RAD51B: variants seen among roughly 807,000 people sequenced by gnomAD.
RAD51B encodes RAD51 paralog B.
Under a neutral mutation model 42.2 loss-of-function variants are expected in RAD51B, and 38 were observed. The observed-to-expected ratio is 0.90, with a 90% confidence interval of 0.70 to 1.18. RAD51B has a LOEUF of 1.18. RAD51B is among the 50% of genes most tolerant of loss of function. The pLI, the probability that RAD51B is intolerant of heterozygous loss-of-function variation, is 0.00. For synonymous variants in RAD51B, 154 were observed against 145.2 expected (o/e 1.06, Z -0.43); for missense variants, 373 against 400.7 (o/e 0.93, Z 0.59).
intron 8 of RAD51B, among the ~76,000 whole-genome samples, chr14:68,377,114 G>A (rs1421921904): frequency 1.3e-5 from 2 of 152,170 alleles, no homozygotes; most frequent in Admixed American, 1.3e-4. Context: ...GCTTTCAGAT[G>A]GGATATGAAA....
At chr14:68,103,975 C>T (rs891661500) in intron 7 of RAD51B, among the ~76,000 whole-genome samples, 1 of 152,152 alleles carries the variant, frequency 6.6e-6, no homozygotes, top group African/African-American at 2.4e-5. Flanking sequence ...CACCCTCCTG[C>T]TGTGTTTGTT....
At chr14:68,607,254 G>A (rs1160521011) in intron 10 of RAD51B, among the ~76,000 whole-genome samples, 1 of 152,202 alleles carries the variant, frequency 6.6e-6, no homozygotes, top group African/African-American at 2.4e-5. Context: ...GCTCATGCCA[G>A]CACTTCTGTT....
chr14:68,052,334 G>T (rs1244180102), intron 7 of RAD51B, among the ~76,000 whole-genome samples: 1 of 150,906 alleles, frequency 6.6e-6, no homozygotes, highest in Non-Finnish European at 1.5e-5. Context: ...CAAATGCTGT[G>T]TCAGGCACTG....
intron 8 of RAD51B, among the ~76,000 whole-genome samples, chr14:68,407,347 T>A (rs1162104359): frequency 6.6e-6 from 1 of 152,194 alleles, no homozygotes; most frequent in Non-Finnish European, 1.5e-5. Flanking sequence ...TAAATACATA[T>A]AATAAGATCA....
intron 8 of RAD51B, among the ~76,000 whole-genome samples, chr14:68,363,951 G>C (rs2083085843): frequency 6.6e-6 from 1 of 152,192 alleles, no homozygotes; most frequent in South Asian, 2.1e-4. Context: ...TGGGAAGGCC[G>C]CTTCTGGCTG....
At chr14:68,482,203 G>A (rs565970403), downstream of RAD51B, among the ~76,000 whole-genome samples, 35 of 152,050 alleles carry the variant, frequency 2.3e-4, no homozygotes, top group Non-Finnish European at 4.1e-4. Context: ...GTGTGTATGT[G>A]TGTGTGTATC....
At chr14:68,592,275 GTGTGTGTGTGTA>G (rs1404558718) in intron 10 of RAD51B, among the ~76,000 whole-genome samples, 6 of 151,710 alleles carry the variant, frequency 4.0e-5, no homozygotes, top group African/African-American at 1.2e-4. Flanking sequence ...GTGTGTGTGT[GTGTGTGTGTGTA>G]TGTGTGTGTA....
intron 7 of RAD51B, among the ~76,000 whole-genome samples, chr14:68,167,282 A>G (rs192267186): frequency 1.8e-4 from 28 of 152,262 alleles, no homozygotes; most frequent in African/African-American, 6.0e-4. Context: ...TGGACATTCT[A>G]CATTCTCTCC....
intron 7 of RAD51B, among the ~76,000 whole-genome samples, chr14:68,091,822 A>G (rs1367242622): frequency 2.0e-5 from 3 of 152,106 alleles, no homozygotes. Flanking sequence ...TAGGGTTTTT[A>G]TGGTTTTAGG....
chr14:68,466,919 C>A (rs150334605), intron 9 of RAD51B, among the ~76,000 whole-genome samples: 74 of 152,330 alleles, frequency 4.9e-4, no homozygotes, highest in Non-Finnish European at 8.4e-4. Flanking sequence ...GTGATCTTTT[C>A]ATCACATTTT....
chr14:68,042,566 G>T (rs1048337586), intron 7 of RAD51B, among the ~76,000 whole-genome samples: 5 of 151,884 alleles, frequency 3.3e-5, no homozygotes, highest in African/African-American at 1.2e-4. Flanking sequence ...GAATTGAAGG[G>T]TTTTTTTTCC....
At chr14:68,038,481 T>TTA (rs2076167948) in intron 7 of RAD51B, among the ~76,000 whole-genome samples, 1 of 152,180 alleles carries the variant, frequency 6.6e-6, no homozygotes, top group Non-Finnish European at 1.5e-5. Context: ...ATTATTTGAT[T>TTA]TTGTAAAGCC....
intron 7 of RAD51B, among the ~76,000 whole-genome samples, chr14:67,960,112 G>A (rs920333542): frequency 6.6e-6 from 1 of 151,688 alleles, no homozygotes; most frequent in African/African-American, 2.4e-5. Context: ...GTGTGTGTAT[G>A]TTTGTGTGTG....
chr14:68,245,819 T>C (rs2080485144), intron 7 of RAD51B, among the ~76,000 whole-genome samples: 1 of 152,148 alleles, frequency 6.6e-6, no homozygotes, highest in African/African-American at 2.4e-5. Flanking sequence ...ACCTCCACAT[T>C]ATTCTGAGAA....
chr14:68,443,217 T>G (rs2085342969), intron 9 of RAD51B, among the ~76,000 whole-genome samples: 1 of 152,244 alleles, frequency 6.6e-6, no homozygotes, highest in Non-Finnish European at 1.5e-5. Flanking sequence ...GTATTTTTCC[T>G]GTGGTCTAGG....
chr14:68,376,483 G>C (rs2083372449), intron 8 of RAD51B, among the ~76,000 whole-genome samples: 1 of 152,224 alleles, frequency 6.6e-6, no homozygotes, highest in Non-Finnish European at 1.5e-5. Flanking sequence ...TGAATGGTCT[G>C]ATGTCAAGGA....
rs1595418558 is a variant in RAD51B, at chr14:68,115,431, A to G, written c.757-176453A>G. Among the ~76,000 whole-genome samples, 3 of 116,950 alleles carry G rather than the reference A, an allele frequency of 2.6e-5. No individual in the cohort carries two copies. In the South Asian group the frequency reaches 1.0e-3, roughly 39 times the overall value. The allele number at this position is 116,950 out of a possible 152,430, so 76.7% of individuals were successfully genotyped here. On this transcript the variant is annotated intron_variant, in intron 7 of 10. Coordinates refer to ENST00000471583, the MANE Select transcript of RAD51B (RefSeq NM_133510.4). ...GAGGGGGGAGGGATAGCATTGGGAGATATACCTAATGCTAGATGACGAGTT... is the reference window on the plus strand; with the variant it reads ...GAGGGGGGAGGGATAGCATTGGGAGGTATACCTAATGCTAGATGACGAGTT...
rs978896534 is a variant in RAD51B, at chr14:68,528,425, G to A, written c.1036+60175G>A. ...ACTTATTGCATATGTGACTTTCATT[G>A]TAAACTACCTCAAGTACACTTTAAA... On this transcript the variant is annotated intron_variant, in intron 10 of 10. Coordinates refer to the RAD51B transcript ENST00000487270. 7.2e-5 allele frequency among the ~76,000 whole-genome samples: 11 copies of A among 152,120 alleles called. No homozygotes were observed. The South Asian group carries it at 1.0e-3, about 14-fold the overall frequency.
At chr14:68,534,554 C>A (rs2140355475) in intron 10 of RAD51B, among the ~76,000 whole-genome samples, 1 of 152,254 alleles carries the variant, frequency 6.6e-6, no homozygotes, top group East Asian at 1.9e-4. Flanking sequence ...AACAACCACA[C>A]TTTTGGGTGC....
Sources: allele counts gnomAD v4.1 joint callset (sites outside exome capture counted in the v4.1 genomes callset), GRCh38; gene constraint gnomAD v4.1.1; transcripts MANE v1.5; gene names NCBI Gene and HGNC (gene_info 2026-07-23, HGNC 2026-07-21).